Variants in DNAH6 observed in about 807,000 individuals in gnomAD.
The protein encoded by DNAH6 is axonemal beta dynein heavy chain 6.
A neutral mutation model predicts 491.4 loss-of-function variants in DNAH6; 340 were observed. That is an observed-to-expected ratio of 0.69 (90% CI 0.63 to 0.76). The LOEUF is 0.76. DNAH6 is among the 30% of genes least tolerant of loss of function. The probability of loss-of-function intolerance (pLI) is 0.00; values close to 1 mark genes in which losing one functional copy is unlikely to be tolerated. For missense variants in DNAH6, 4,443 were observed against 4,972.2 expected (o/e 0.89, Z 3.20); for synonymous variants, 1,603 against 1,686.1 (o/e 0.95, Z 1.21).
At chr2:84,810,728 C>T (rs188541334) in intron 72 of DNAH6, among the ~76,000 whole-genome samples, 281 of 152,318 alleles carry the variant, frequency 1.8e-3, no homozygotes, top group Non-Finnish European at 3.2e-3. Context: ...GGTGAACCCA[C>T]TCTCCTCCAG....
intron 64 of DNAH6, chr2:84,778,186 A>G: frequency 1.4e-6 from 1 of 708,450 alleles, no homozygotes; most frequent in South Asian, 1.5e-5. Flanking sequence ...TTCTTCCTGT[A>G]GAAGATTATG....
chr2:84,715,176 A>T (rs1166708111), intron 57 of DNAH6, among the ~76,000 whole-genome samples: 3 of 152,078 alleles, frequency 2.0e-5, no homozygotes, highest in Admixed American at 6.6e-5. Flanking sequence ...AAATTTTTAA[A>T]TACCGGAAAC....
chr2:84,598,153 T>TTCTA (rs1684834303), intron 18 of DNAH6, among the ~76,000 whole-genome samples: 1 of 63,200 alleles, frequency 1.6e-5, no homozygotes, highest in South Asian at 6.5e-4. Context: ...CTTTCTTTCT[T>TTCTA]TCTTTCTTTC....
chr2:84,546,120 A>C (rs796480383), intron 5 of DNAH6, among the ~76,000 whole-genome samples: 6 of 152,176 alleles, frequency 3.9e-5, no homozygotes, highest in African/African-American at 1.4e-4. Flanking sequence ...CCACTAATCT[A>C]CTTTCTATCT....
chr2:84,779,090 A>G (rs1676425920), intron 64 of DNAH6, among the ~76,000 whole-genome samples: 1 of 152,196 alleles, frequency 6.6e-6, no homozygotes, highest in Non-Finnish European at 1.5e-5. Flanking sequence ...TGTTCCACAT[A>G]CAGATGAAAA....
At chr2:84,685,057 T>G (rs1032756078) in intron 42 of DNAH6, among the ~76,000 whole-genome samples, 7 of 152,298 alleles carry the variant, frequency 4.6e-5, no homozygotes, top group Admixed American at 1.3e-4. Context: ...AGATAAACCT[T>G]GCTTATATTG....
chr2:84,600,740 A>C (rs1010685589), intron 18 of DNAH6, among the ~76,000 whole-genome samples: 1 of 151,964 alleles, frequency 6.6e-6, no homozygotes, highest in African/African-American at 2.4e-5. Flanking sequence ...GATGGTGTTC[A>C]GCTTGACCAC....
intron 24 of DNAH6, among the ~76,000 whole-genome samples, chr2:84,620,945 G>A (rs780089840): frequency 6.6e-6 from 1 of 152,152 alleles, no homozygotes; most frequent in Admixed American, 6.6e-5. Context: ...GAAAATAAGT[G>A]GAGAAATCCA....
intron 1 of DNAH6, 89 bp from the exon 2 acceptor site, chr2:84,517,729 TC>T (rs1573474771): frequency 9.3e-6 from 9 of 971,588 alleles, no homozygotes; most frequent in East Asian, 2.6e-5. Context: ...ATTCAACTCT[TC>T]CTAGTCCTTA....
chr2:84,707,704 G>T lies in DNAH6; in HGVS notation c.9036G>T (p.Gln3012His). ...CCTACTATGGGGCTTTCACAGCCCA[G>T]TACAGGCAGTCAGTGAGTAACCCTG... ...CVAYYGAFTA[Q>H]YRQSLIECWI... Residue 3012 changes from glutamine to histidine, a missense_variant, in exon 54 of 77, where the codon CAG becomes CAT. Gln to His is a conservative substitution (Grantham distance 24). Coordinates refer to ENST00000389394, the MANE Select transcript of DNAH6 (RefSeq NM_001370.2). 3 of 1,551,926 alleles carry T rather than the reference G, an allele frequency of 1.9e-6. No homozygotes were observed. The highest frequency in any genetic ancestry group is 2.6e-6 in the Non-Finnish European group (3 of 1,146,806).
At chr2:84,618,635 C>G (rs1687107935) in intron 23 of DNAH6, among the ~76,000 whole-genome samples, 2 of 151,892 alleles carry the variant, frequency 1.3e-5, no homozygotes, top group South Asian at 4.2e-4. Flanking sequence ...TTGAAAATCA[C>G]TGTCTTAAAT....
At chr2:84,629,642 CAGTT>C (rs143878201) in intron 29 of DNAH6, among the ~76,000 whole-genome samples, 71 of 152,252 alleles carry the variant, frequency 4.7e-4, no homozygotes, top group African/African-American at 5.3e-4. Context: ...TTTCTTCTCT[CAGTT>C]AGGTATTATC....
chr2:84,813,628 A>G (rs1030461959), intron 74 of DNAH6, among the ~76,000 whole-genome samples: 1 of 152,208 alleles, frequency 6.6e-6, no homozygotes, highest in East Asian at 1.9e-4. Flanking sequence ...TAAACAGCCC[A>G]TATAAAACAA....
At position 84,594,093 on chromosome 2, in the gene DNAH6, A is replaced by G. The variant is rs538163751; in HGVS notation, c.2724+8A>G. ...CAACAAGAATGGTTAAAGGTAGGGGAAAAAAGCCTTCAGTTCTCAAATTAT... is the reference window on the plus strand; with the variant it reads ...CAACAAGAATGGTTAAAGGTAGGGGGAAAAAGCCTTCAGTTCTCAAATTAT... On this transcript the variant is annotated splice_region_variant and intron_variant, in intron 17 of 76. Coordinates refer to ENST00000389394, the MANE Select transcript of DNAH6 (RefSeq NM_001370.2). 81 of 1,403,146 alleles carry G rather than the reference A, an allele frequency of 5.8e-5. No individual in the cohort carries two copies. The South Asian group carries it at 8.3e-4, about 14-fold the overall frequency. 86.9% of individuals were successfully genotyped at this position (1,403,146 alleles called of 1,614,324 possible). A position where few individuals can be genotyped will look rare whatever the true frequency, so the allele number is the denominator to read the frequency against.
intron 45 of DNAH6, among the ~76,000 whole-genome samples, chr2:84,692,559 A>G (rs917167550): frequency 2.0e-5 from 3 of 152,130 alleles, no homozygotes; most frequent in Non-Finnish European, 2.9e-5. Context: ...TGATTTCTAG[A>G]TTTTAGACAA....
intron 29 of DNAH6, among the ~76,000 whole-genome samples, chr2:84,627,601 G>A (rs770753049): frequency 6.6e-6 from 1 of 151,996 alleles, no homozygotes; most frequent in Admixed American, 6.5e-5. Context: ...CTTGATCCTC[G>A]GTATTATGAA....
intron 70 of DNAH6, among the ~76,000 whole-genome samples, chr2:84,801,273 A>G (rs1437462631): frequency 6.6e-6 from 1 of 151,644 alleles, no homozygotes; most frequent in Non-Finnish European, 1.5e-5. Context: ...GAAAAAGAAA[A>G]AAAAAAAAAA....
intron 70 of DNAH6, among the ~76,000 whole-genome samples, chr2:84,805,021 C>T (rs1679282787): frequency 6.6e-6 from 1 of 151,980 alleles, no homozygotes; most frequent in South Asian, 2.1e-4. Flanking sequence ...CCATGTTGCC[C>T]ATGCTGGTCT....
chr2:84,508,959 A>G, the DNAH6 span, among the ~76,000 whole-genome samples: 1 of 152,166 alleles, frequency 6.6e-6, no homozygotes, highest in South Asian at 2.1e-4. Context: ...CTGTTCTTTT[A>G]CATTTGCTGA....
Sources: allele counts gnomAD v4.1 joint callset (sites outside exome capture counted in the v4.1 genomes callset), GRCh38; gene constraint gnomAD v4.1.1; transcripts MANE v1.5; gene names NCBI Gene and HGNC (gene_info 2026-07-23, HGNC 2026-07-21).